ANTXR1: variants seen among roughly 807,000 people sequenced by gnomAD.
ANTXR1 encodes the protein anthrax toxin receptor 1.
Under a neutral mutation model 78.1 loss-of-function variants are expected in ANTXR1, and 19 were observed. The ratio of observed to expected loss-of-function variants is 0.24; its 90% CI spans 0.17 to 0.36. The LOEUF (loss-of-function observed/expected upper bound fraction) is 0.36, where lower values mean the gene tolerates loss of function less well. ANTXR1 is among the 10% of genes least tolerant of loss of function. The probability of loss-of-function intolerance (pLI) is 1.00; values close to 1 mark genes in which losing one functional copy is unlikely to be tolerated. For missense variants in ANTXR1, 518 were observed against 718.6 expected (o/e 0.72, Z 3.19); for synonymous variants, 273 against 260.5 (o/e 1.05, Z -0.46).
chr2:69,241,874 A>C (rs1010473355), intron 17 of ANTXR1, among the ~76,000 whole-genome samples: 1 of 151,986 alleles, frequency 6.6e-6, no homozygotes, highest in South Asian at 2.1e-4. Context: ...CCTTCATAAC[A>C]CTGATTAAGG....
rs143885159 is a variant in ANTXR1, at chr2:69,065,598, T to C, written c.297-5049T>C. Among the ~76,000 whole-genome samples the C allele has an allele frequency of 9.4e-3, 1,424 of 152,186 alleles. 25 individuals carry two copies. Among genetic ancestry groups the C allele is most frequent in the African/African-American group, 0.033 (1,354 of 41,508 alleles). On this transcript the variant is annotated intron_variant, in intron 3 of 17. Transcript: ENST00000303714. ...CAATTATAAGGGAAATGAACAAATA[T>C]CTGGGCATGTTACTGTGTATAAATT...
At chr2:69,181,339 A>T (rs1413854792) in intron 14 of ANTXR1, among the ~76,000 whole-genome samples, 1 of 152,220 alleles carries the variant, frequency 6.6e-6, no homozygotes, top group Non-Finnish European at 1.5e-5. Context: ...GGAAGACTAC[A>T]GGAGGAGCAT....
intron 12 of ANTXR1, among the ~76,000 whole-genome samples, chr2:69,127,127 TAGTA>T (rs1672565935): frequency 6.6e-6 from 1 of 152,276 alleles, no homozygotes; most frequent in East Asian, 1.9e-4. Context: ...GTTATAAACA[TAGTA>T]AACAAACTAC....
intron 12 of ANTXR1, among the ~76,000 whole-genome samples, chr2:69,137,118 C>T (rs77806749): frequency 0.019 from 2,826 of 152,218 alleles, 90 homozygotes; most frequent in African/African-American, 0.064. Flanking sequence ...TAAAATTTGG[C>T]GGATTACTAT....
chr2:69,171,596 T>C (rs1265362860), intron 14 of ANTXR1, among the ~76,000 whole-genome samples: 3 of 152,204 alleles, frequency 2.0e-5, no homozygotes, highest in Non-Finnish European at 2.9e-5. Context: ...GGGTTGTGGC[T>C]TTTTCTTTTG....
chr2:69,145,483 G>A, intron 12 of ANTXR1: 3 of 1,510,946 alleles, frequency 2.0e-6, no homozygotes, highest in Non-Finnish European at 1.8e-6. Context: ...TGAGTGGAGG[G>A]CAGAGACAGG....
intron 6 of ANTXR1, 107 bp downstream of exon 6, chr2:69,073,208 C>A: frequency 1.1e-6 from 1 of 929,998 alleles, no homozygotes; most frequent in Non-Finnish European, 1.8e-6. Context: ...CTTTGCAAAT[C>A]CCCTGAATGA....
chr2:69,052,956 C>T (rs1669966775), intron 3 of ANTXR1, among the ~76,000 whole-genome samples: 1 of 152,072 alleles, frequency 6.6e-6, no homozygotes, highest in African/African-American at 2.4e-5. Flanking sequence ...TTTCCTGTTC[C>T]TAAATTTTTC....
chr2:69,061,625 A>G (rs1670248774), intron 3 of ANTXR1, among the ~76,000 whole-genome samples: 1 of 152,202 alleles, frequency 6.6e-6, no homozygotes, highest in East Asian at 1.9e-4. Context: ...ATCACTAAAC[A>G]TTTGAAGAAG....
At chr2:69,203,038 A>T (rs933263592) in intron 17 of ANTXR1, among the ~76,000 whole-genome samples, 2 of 151,796 alleles carry the variant, frequency 1.3e-5, no homozygotes, top group African/African-American at 2.4e-5. Flanking sequence ...TTATCTACAT[A>T]TTGAAGTCTT....
chr2:69,202,424 G>A (rs890465407), intron 17 of ANTXR1, among the ~76,000 whole-genome samples: 2 of 152,194 alleles, frequency 1.3e-5, no homozygotes, highest in African/African-American at 4.8e-5. Context: ...GGGGTTGGGA[G>A]CAAAGCTTAA....
At chr2:69,168,022 C>T (rs1295694962) in intron 13 of ANTXR1, among the ~76,000 whole-genome samples, 3 of 152,336 alleles carry the variant, frequency 2.0e-5, no homozygotes, top group Non-Finnish European at 4.4e-5. Context: ...CAGCCAGTGT[C>T]ATATGCTGAC....
intron 12 of ANTXR1, among the ~76,000 whole-genome samples, chr2:69,134,447 T>C (rs980509439): frequency 3.3e-5 from 5 of 152,124 alleles, no homozygotes; most frequent in Admixed American, 1.3e-4. Context: ...ATTAGCTGCA[T>C]TGGGTGGGAA....
At chr2:69,220,944 C>G (rs79181524) in intron 17 of ANTXR1, among the ~76,000 whole-genome samples, 1 of 152,058 alleles carries the variant, frequency 6.6e-6, no homozygotes, top group Non-Finnish European at 1.5e-5. Context: ...GAACACTGCT[C>G]GTATGCACCA....
intron 12 of ANTXR1, among the ~76,000 whole-genome samples, chr2:69,147,241 A>G (rs1043800902): frequency 2.6e-5 from 4 of 152,250 alleles, no homozygotes; most frequent in Admixed American, 6.5e-5. Flanking sequence ...AAGATGGAAA[A>G]GGACTGATTT....
chr2:69,092,742 G>A (rs1477713945), intron 9 of ANTXR1, among the ~76,000 whole-genome samples: 1 of 152,184 alleles, frequency 6.6e-6, no homozygotes, highest in Non-Finnish European at 1.5e-5. Context: ...GGCTTCATAA[G>A]GGGCCTGTGC....
In ANTXR1 at chr2:69,136,986, C is replaced by G. The variant is rs577120421; in HGVS notation, c.951+12343C>G. ...TGATCAAGAGAACCAAGAAAGCACA[C>G]GCAAACTGAGTTCATCCCCCACCTA... is the stretch of plus-strand genomic sequence containing the variant. On this transcript the variant is annotated intron_variant, in intron 12 of 17. Coordinates refer to ENST00000303714, the MANE Select transcript of ANTXR1 (RefSeq NM_032208.3). Among the ~76,000 whole-genome samples the G allele has an allele frequency of 2.6e-5, 4 of 152,270 alleles. No individual in the cohort carries two copies. In the South Asian group the frequency reaches 8.3e-4, roughly 32 times the overall value.
chr2:69,168,200 G>A (rs1324309303), intron 13 of ANTXR1, among the ~76,000 whole-genome samples: 3 of 152,178 alleles, frequency 2.0e-5, no homozygotes, highest in Non-Finnish European at 2.9e-5. Flanking sequence ...TATGAAAGAT[G>A]TAATCAAGGT....
chr2:69,090,776 C>A, intron 8 of ANTXR1, 83 bp from the exon 9 acceptor site: 1 of 1,405,888 alleles, frequency 7.1e-7, no homozygotes, highest in Non-Finnish European at 1.0e-6. Flanking sequence ...CTATCTCTAT[C>A]TCAGTAGCTA....
Sources: allele counts gnomAD v4.1 joint callset (sites outside exome capture counted in the v4.1 genomes callset), GRCh38; gene constraint gnomAD v4.1.1; transcripts MANE v1.5; gene names NCBI Gene and HGNC (gene_info 2026-07-23, HGNC 2026-07-21).